Variants in P3H2 observed in about 807,000 individuals in gnomAD.
P3H2 encodes prolyl 3-hydroxylase 2.
In P3H2, 80 loss-of-function variants were observed where a neutral mutation model predicts 87.0. The ratio of observed to expected loss-of-function variants is 0.92; its 90% CI spans 0.77 to 1.11. The LOEUF is 1.11. P3H2 is among the 50% of genes least tolerant of loss of function. The probability of loss-of-function intolerance (pLI) is 0.00; values close to 1 mark genes in which losing one functional copy is unlikely to be tolerated. For synonymous variants in P3H2, 367 were observed against 359.3 expected (o/e 1.02, Z -0.24); for missense variants, 1,001 against 923.9 (o/e 1.08, Z -1.08).
chr3:190,075,085 C>T (rs1726823137), intron 1 of P3H2, among the ~76,000 whole-genome samples: 1 of 152,196 alleles, frequency 6.6e-6, no homozygotes, highest in Non-Finnish European at 1.5e-5. Flanking sequence ...GATGCTATGG[C>T]CAATACAGAG....
chr3:189,994,267 C>G lies in P3H2; in HGVS notation c.650G>C (p.Gly217Ala), dbSNP rs1560353267. ...GTCATCAGCCTCATAATGTTTAACT[C>G]CTGCATTGTAACTCTCCTGTAATGA... Reference protein sequence around the residue: ...AKPHMESYNAGVKHYEADDFE... With the variant: ...AKPHMESYNAAVKHYEADDFE... The change falls in exon 3 of 15, where the codon GGA becomes GCA. Residue 217 changes from glycine (G) to alanine (A), a missense_variant. Transcript: ENST00000319332. 8.7e-6 allele frequency: 14 copies of G among 1,611,762 alleles called. No homozygotes were observed. Among genetic ancestry groups the G allele is most frequent in the Non-Finnish European group, 1.2e-5 (14 of 1,178,426 alleles).
In P3H2 at chr3:189,987,947, T is replaced by A. The variant is rs113985454; in HGVS notation, c.956-278A>T. On this transcript the variant is annotated intron_variant, in intron 4 of 14. Coordinates refer to ENST00000319332, the MANE Select transcript of P3H2 (RefSeq NM_018192.4). ...AGATGTTTGTTGACAACTTTTATTA[T>A]TTAACACATATAAACAGCAGAATTC... 1.5e-3 allele frequency among the ~76,000 whole-genome samples: 227 copies of A among 152,344 alleles called. 1 individual carries two copies. Among genetic ancestry groups the A allele is most frequent in the African/African-American group, 5.2e-3 (218 of 41,582 alleles).
chr3:189,966,092 AAGAAAGAAAGAAAAAAGAAAGAAAGAAAG>A, intron 13 of P3H2, among the ~76,000 whole-genome samples: 1 of 128,982 alleles, frequency 7.8e-6, no homozygotes, highest in East Asian at 3.7e-4. Context: ...GGAAGAAAGA[AAGAAAGAAAGAAAAAAGAAAGAAAGAAAG>A]AAAAAGAAAG....
intron 1 of P3H2, among the ~76,000 whole-genome samples, chr3:190,075,733 T>C (rs944382978): frequency 1.3e-5 from 2 of 152,134 alleles, no homozygotes; most frequent in African/African-American, 4.8e-5. Context: ...ACATTTGGTA[T>C]GTACTTAGGG....
intron 1 of P3H2, among the ~76,000 whole-genome samples, chr3:190,069,602 A>C (rs1304433916): frequency 2.6e-5 from 4 of 152,200 alleles, no homozygotes; most frequent in African/African-American, 9.7e-5. Context: ...TATCCTTAGC[A>C]ACCAAGATGC....
chr3:189,996,232 G>T (rs1724048346), intron 1 of P3H2, among the ~76,000 whole-genome samples: 1 of 152,016 alleles, frequency 6.6e-6, no homozygotes, highest in Admixed American at 6.6e-5. Context: ...CAGATGAATG[G>T]ATAAAGAAAA....
At chr3:189,997,903 G>A (rs1015504889) in intron 1 of P3H2, among the ~76,000 whole-genome samples, 2 of 152,152 alleles carry the variant, frequency 1.3e-5, no homozygotes, top group East Asian at 3.8e-4. Flanking sequence ...ATTATGTGTG[G>A]TTTGCATTTA....
chr3:189,976,436 C>G (rs919903197), intron 8 of P3H2, among the ~76,000 whole-genome samples: 2 of 152,156 alleles, frequency 1.3e-5, no homozygotes, highest in African/African-American at 4.8e-5. Flanking sequence ...GGGAAACTCC[C>G]GTTTATAAAA....
chr3:190,119,859 ATGGGAAGTGAGAAGGGAGAAG>A (rs1460375996), intron 1 of P3H2, among the ~76,000 whole-genome samples: 1,763 of 151,934 alleles, frequency 0.012, 14 homozygotes, highest in East Asian at 0.026. Flanking sequence ...GACAAAAGAA[ATGGGAAGTGAGAAGGGAGAAG>A]AGAAATGGGA....
At chr3:190,086,867 A>G (rs1403418) in intron 1 of P3H2, among the ~76,000 whole-genome samples, 21,458 of 152,180 alleles carry the variant, frequency 0.14, 4,242 homozygotes, top group African/African-American at 0.44. Flanking sequence ...AAAAGATTGC[A>G]CCATTTAAAC....
chr3:190,005,194 C>T (rs1460841970), intron 1 of P3H2, among the ~76,000 whole-genome samples: 1 of 152,124 alleles, frequency 6.6e-6, no homozygotes, highest in African/African-American at 2.4e-5. Context: ...AAAAAAATTT[C>T]AAAAGTTTGT....
chr3:190,082,913 T>C lies in P3H2; in HGVS notation c.480+37339A>G, dbSNP rs147838759. Among the ~76,000 whole-genome samples, 8 of 152,316 alleles carry C rather than the reference T, an allele frequency of 5.3e-5. No homozygotes were observed. The East Asian group carries it at 1.5e-3, about 29-fold the overall frequency. ...TCACTTTAGAGAGATTGTATACCTA[T>C]ATTTATAAACAAAAATAAAATTATA... On this transcript the variant is annotated intron_variant, in intron 1 of 14. Transcript: ENST00000319332.
chr3:189,969,689 A>G, intron 13 of P3H2: 2 of 1,310,148 alleles, frequency 1.5e-6, no homozygotes, highest in South Asian at 2.4e-5. Context: ...ATGCCTTGCA[A>G]GGAGGACACA....
At chr3:189,966,129 AAGAAAGAAAGAAAGAAAGAAAG>A (rs1722988795) in intron 13 of P3H2, among the ~76,000 whole-genome samples, 2 of 56,282 alleles carry the variant, frequency 3.6e-5, no homozygotes, top group Admixed American at 2.2e-4. Flanking sequence ...AAGAAAAAGA[AAGAAAGAAAGAAAGAAAGAAAG>A]AAAGAAAGAA....
intron 1 of P3H2, among the ~76,000 whole-genome samples, chr3:190,012,230 GT>G (rs1474061612): frequency 1.7e-4 from 26 of 151,564 alleles, no homozygotes; most frequent in African/African-American, 6.3e-4. Context: ...GTGTGTGTGT[GT>G]GTGTGTGTGT....
chr3:190,012,207 G>GGGGT (rs1283396692), intron 1 of P3H2, among the ~76,000 whole-genome samples: 2 of 145,588 alleles, frequency 1.4e-5, no homozygotes, highest in African/African-American at 5.2e-5. Flanking sequence ...TGTAGGTAAA[G>GGGGT]GTGTGTGTGT....
intron 1 of P3H2, among the ~76,000 whole-genome samples, chr3:189,997,931 GA>G: frequency 6.6e-6 from 1 of 152,118 alleles, no homozygotes; most frequent in Admixed American, 6.6e-5. Flanking sequence ...AGTGAACCTG[GA>G]AAAAGTTGTT....
chr3:190,033,630 T>G (rs1386193226), intron 1 of P3H2, among the ~76,000 whole-genome samples: 6 of 152,226 alleles, frequency 3.9e-5, no homozygotes, highest in Non-Finnish European at 8.8e-5. Context: ...AATCTTCATT[T>G]GCAAACCATA....
At position 189,960,916 on chromosome 3, in the gene P3H2, C is replaced by A. The variant is rs1577239912; in HGVS notation, c.2035-2912G>T. ...CACATCTAAATAAAAAGCCCAAGTA[C>A]TACTTTACAAATATAAGGAAAACAA... On this transcript the variant is annotated intron_variant, in intron 14 of 14. Coordinates refer to ENST00000319332, the MANE Select transcript of P3H2 (RefSeq NM_018192.4). Among the ~76,000 whole-genome samples, 2 of 151,434 alleles carry A rather than the reference C, an allele frequency of 1.3e-5. 1 individual carries two copies. The highest frequency in any genetic ancestry group is 3.9e-4 in the East Asian group (2 of 5,138).
Sources: allele counts gnomAD v4.1 joint callset (sites outside exome capture counted in the v4.1 genomes callset), GRCh38; gene constraint gnomAD v4.1.1; transcripts MANE v1.5; gene names NCBI Gene and HGNC (gene_info 2026-07-23, HGNC 2026-07-21).